Variants in SQLE observed in about 807,000 individuals in gnomAD.
SQLE encodes squalene monooxygenase.
In SQLE, 29 loss-of-function variants were observed where a neutral mutation model predicts 60.7. The observed-to-expected ratio is 0.48, with a 90% CI of 0.36 to 0.65. The LOEUF (loss-of-function observed/expected upper bound fraction) is 0.65, where lower values mean the gene tolerates loss of function less well. Ranked by LOEUF, SQLE falls within the 30% of genes least tolerant of loss-of-function variation. SQLE has a pLI of 0.00. For missense variants in SQLE, 605 were observed against 684.1 expected (o/e 0.88, Z 1.29); for synonymous variants, 237 against 246.8 (o/e 0.96, Z 0.37).
chr8:125,021,122 C>G (rs1185162073), intron 10 of SQLE, among the ~76,000 whole-genome samples: 3 of 151,968 alleles, frequency 2.0e-5, no homozygotes, highest in Non-Finnish European at 4.4e-5. Context: ...TTGTTTTTTG[C>G]CTATGGATTT....
chr8:125,009,594 A>C (rs200659581), intron 6 of SQLE, among the ~76,000 whole-genome samples: 2 of 152,140 alleles, frequency 1.3e-5, no homozygotes, highest in African/African-American at 4.8e-5. Flanking sequence ...TTGGGAGTTC[A>C]AGACCAGCCT....
rs565823440 is a variant in SQLE at position 125,010,379 on chromosome 8, T to C, written c.1108+1036T>C. Among the ~76,000 whole-genome samples, 7 of 152,236 alleles carry C rather than the reference T, an allele frequency of 4.6e-5. No homozygotes were observed. In the South Asian group the frequency reaches 8.3e-4, roughly 18 times the overall value. Reference sequence around the variant, plus strand: ...ATCTTTTTTTGAGAATGGGATGATATAGGAAAGAAAAGTAAAAAAAATTTA... The same window carrying C: ...ATCTTTTTTTGAGAATGGGATGATACAGGAAAGAAAAGTAAAAAAAATTTA... On this transcript the variant is annotated intron_variant, in intron 6 of 10. Coordinates refer to ENST00000265896, the MANE Select transcript of SQLE (RefSeq NM_003129.4).
intron 4 of SQLE, among the ~76,000 whole-genome samples, chr8:125,008,170 A>G (rs976778544): frequency 1.1e-4 from 17 of 151,888 alleles, no homozygotes; most frequent in African/African-American, 3.9e-4. Context: ...GCTCACTGCA[A>G]CCTCCACCTC....
rs753756608 is a variant in SQLE at position 124,999,394 on chromosome 8, C to G, written c.-10C>G. The G allele has an allele frequency of 2.0e-6, 3 of 1,500,732 alleles. No homozygotes were observed. The highest frequency in any genetic ancestry group is 2.7e-6 in the Non-Finnish European group (3 of 1,124,476). The allele number at this position is 1,500,732 out of a possible 1,614,324, so 93.0% of individuals were successfully genotyped here. A position where few individuals can be genotyped will look rare whatever the true frequency, so the allele number is the denominator to read the frequency against. The stretch of plus-strand genomic sequence containing the variant: ...GCCTTGACCGGTGCCACCAAAGAAG[C>G]CTTGGAACCATGTGGACTTTTCTGG... On this transcript the variant is annotated 5_prime_UTR_variant, in exon 1 of 11. Coordinates refer to ENST00000265896, the MANE Select transcript of SQLE (RefSeq NM_003129.4).
chr8:125,018,761 A>T (rs1436173449), intron 9 of SQLE, 34 bp downstream of exon 9: 3 of 1,359,974 alleles, frequency 2.2e-6, no homozygotes, highest in East Asian at 4.9e-5. Context: ...AATATTACTC[A>T]ATTGCAGATT....
chr8:125,021,439 C>CA (rs148368274), intron 10 of SQLE, among the ~76,000 whole-genome samples: 4,380 of 143,882 alleles, frequency 0.03, 223 homozygotes, highest in African/African-American at 0.11. Flanking sequence ...GATGAGTAAA[C>CA]AAACAGCTAA....
intron 7 of SQLE, among the ~76,000 whole-genome samples, chr8:125,013,657 A>C (rs1234787626): frequency 6.6e-6 from 1 of 151,528 alleles, no homozygotes; most frequent in Non-Finnish European, 1.5e-5. Flanking sequence ...CTGGCCTGTT[A>C]CTCCTATATT....
intron 7 of SQLE, among the ~76,000 whole-genome samples, chr8:125,013,071 CTT>C (rs1428243520): frequency 5.9e-5 from 9 of 152,172 alleles, no homozygotes; most frequent in Non-Finnish European, 1.2e-4. Context: ...TATATTTAGA[CTT>C]TGCATATTTT....
At chr8:124,999,913 T>C in intron 1 of SQLE, 2 of 720,024 alleles carry the variant, frequency 2.8e-6, no homozygotes, top group South Asian at 3.0e-5. Context: ...TGGTTGAGCC[T>C]CAGATGGAGG....
intron 7 of SQLE, among the ~76,000 whole-genome samples, chr8:125,017,667 G>A (rs774416583): frequency 6.6e-6 from 1 of 152,202 alleles, no homozygotes; most frequent in African/African-American, 2.4e-5. Context: ...GTGCTTTCCT[G>A]TGTGGGAGGG....
rs748462547 is a variant in SQLE, at chr8:125,021,765, C to A, written c.1545C>A (p.Asn515Lys). 1 of 1,601,502 alleles carries A rather than the reference C, an allele frequency of 6.2e-7. No individual in the cohort carries two copies. The highest frequency in any genetic ancestry group is 1.1e-5 in the South Asian group (1 of 89,016). ...TTTTCTATTACAGATTGTCTCCTAA[C>A]CCTCTAGTTTTAATTGGACACTTCT... is the stretch of plus-strand genomic sequence containing the variant. Reference protein sequence around the residue: ...PVGLLSVLSPNPLVLIGHFFA... With the variant: ...PVGLLSVLSPKPLVLIGHFFA... The change falls in exon 11 of 11, where the codon AAC becomes AAA. Residue 515 changes from asparagine to lysine, a missense_variant. Coordinates refer to ENST00000265896, the MANE Select transcript of SQLE (RefSeq NM_003129.4).
rs868790499 is a variant in SQLE, at chr8:125,021,796, G to A, written c.1576G>A (p.Val526Ile). The A allele has an allele frequency of 6.2e-7, 1 of 1,608,796 alleles. No homozygotes were observed. The highest frequency in any genetic ancestry group is 8.5e-7 in the Non-Finnish European group (1 of 1,177,238). The change falls in exon 11 of 11, where the codon GTT becomes ATT. Residue 526 changes from valine to isoleucine, a missense_variant. Transcript: ENST00000265896. The part of the protein sequence containing the change: ...PLVLIGHFFA[V>I]AIYAVYFCFK... ...AGTTTTAATTGGACACTTCTTTGCT[G>A]TTGCAATCTATGCCGTGTATTTTTG...
At chr8:125,010,326 C>G (rs1162416064) in intron 6 of SQLE, among the ~76,000 whole-genome samples, 3 of 152,024 alleles carry the variant, frequency 2.0e-5, no homozygotes, top group African/African-American at 7.2e-5. Flanking sequence ...TTTCACAAAT[C>G]TAAAGTTTTC....
At chr8:125,015,477 T>C (rs1488966985) in intron 7 of SQLE, among the ~76,000 whole-genome samples, 1 of 152,214 alleles carries the variant, frequency 6.6e-6, no homozygotes, top group African/African-American at 2.4e-5. Context: ...CTGTTTCCTT[T>C]CTGTGAAGGT....
rs1349001481 is a variant in SQLE at position 125,019,871 on chromosome 8, AAC to A, written c.1445-911_1445-910del. Among the ~76,000 whole-genome samples the A allele has an allele frequency of 1.7e-3, 254 of 152,166 alleles. 1 individual carries two copies. Among genetic ancestry groups the A allele is most frequent in the African/African-American group, 5.7e-3 (235 of 41,528 alleles). On this transcript the variant is annotated intron_variant, in intron 9 of 10. Transcript: ENST00000265896. ...AACTCTTCCTAAGGAAAAAAAACAA[AAC>A]AAAAACCCCACCAATCTCACTGGTT...
At position 125,021,815 on chromosome 8, in the gene SQLE, A is replaced by G. The variant is rs1815211203; in HGVS notation, c.1595A>G (p.Tyr532Cys). 3.1e-6 allele frequency: 5 copies of G among 1,609,952 alleles called. No individual in the cohort carries two copies. The highest frequency in any genetic ancestry group is 4.2e-6 in the Non-Finnish European group (5 of 1,177,930). The change falls in exon 11 of 11, where the codon TAT (tyrosine) becomes TGT (cysteine). Residue 532 changes from tyrosine (Y) to cysteine (C), a missense_variant. Physicochemically the swap from Tyr to Cys is radical, Grantham distance 194. Coordinates refer to ENST00000265896, the MANE Select transcript of SQLE (RefSeq NM_003129.4). ...HFFAVAIYAV[Y>C]FCFKSEPWIT... ...TTTGCTGTTGCAATCTATGCCGTGT[A>G]TTTTTGCTTTAAGTCAGAACCTTGG...
chr8:125,018,981 G>T (rs552019928), intron 9 of SQLE: 2 of 386,910 alleles, frequency 5.2e-6, no homozygotes, highest in Non-Finnish European at 9.2e-6. Flanking sequence ...GAATTCCTCT[G>T]GTGCAGACTA....
chr8:125,003,188 A>G lies in SQLE; in HGVS notation c.304A>G (p.Thr102Ala), dbSNP rs765684539. The G allele has an allele frequency of 6.2e-7, 1 of 1,608,370 alleles. No homozygotes were observed. The highest frequency in any genetic ancestry group is 1.1e-5 in the South Asian group (1 of 89,736). ...QLEARRRRKG[T>A]NISETSLIGT... Reference sequence around the variant, plus strand: ...TTTTTTTAAACAGCGCAGAAAAGGAACCAATATTTCAGAAACAAGCTTAAT... The same window carrying G: ...TTTTTTTAAACAGCGCAGAAAAGGAGCCAATATTTCAGAAACAAGCTTAAT... The change falls in exon 2 of 11, where the codon ACC becomes GCC. Residue 102 changes from threonine to alanine, a missense_variant. Physicochemically the swap from Thr to Ala is moderately conservative, Grantham distance 58 (BLOSUM62 0). Transcript: ENST00000265896.
At position 124,998,910 on chromosome 8, in the gene SQLE, G is replaced by A; in HGVS notation, c.-494G>A. 1 of 362,684 alleles carries A rather than the reference G, an allele frequency of 2.8e-6. No individual in the cohort carries two copies. Among genetic ancestry groups the A allele is most frequent in the Non-Finnish European group, 4.9e-6 (1 of 202,952 alleles). 22.5% of individuals were successfully genotyped at this position (362,684 alleles called of 1,614,324 possible). A position where few individuals can be genotyped will look rare whatever the true frequency, so the allele number is the denominator to read the frequency against. ...GCAGCCCCCGTGCCTTCCGGCCGCT[G>A]CTCGCCGTCGCCAGAGGCTAGGCCA... On this transcript the variant is annotated 5_prime_UTR_variant, in exon 1 of 11. Coordinates refer to ENST00000265896, the MANE Select transcript of SQLE (RefSeq NM_003129.4).
Sources: allele counts gnomAD v4.1 joint callset (sites outside exome capture counted in the v4.1 genomes callset), GRCh38; gene constraint gnomAD v4.1.1; transcripts MANE v1.5; gene names NCBI Gene and HGNC (gene_info 2026-07-23, HGNC 2026-07-21).